The following PLCB4 variants were observed in gnomAD, a reference collection of about 807,000 sequenced individuals.
PLCB4 encodes the protein phospholipase C beta 4.
PLCB4 carries 77 observed loss-of-function variants against 178.8 expected under a neutral mutation model. The observed-to-expected ratio is 0.43, with a 90% CI of 0.36 to 0.52. PLCB4 has a LOEUF of 0.52. Ranked by LOEUF, PLCB4 falls within the 20% of genes least tolerant of loss-of-function variation. PLCB4 has a pLI of 0.00. For missense variants in PLCB4, 1,024 were observed against 1,453.4 expected, an observed-to-expected ratio of 0.70 and a Z score of 4.80; for synonymous variants, 496 against 490.8, an observed-to-expected ratio of 1.01 and a Z score of -0.14.
chr20:9,168,409 A>G lies in PLCB4; in HGVS notation c.-78-48981A>G, dbSNP rs531621002. ...TCTCTGAAGGTGACGCTGTTGATGA[A>G]GCTGCTGTTGAGAAGACCCAAGTAA... On this transcript the variant is annotated intron_variant, in intron 2 of 39. Transcript: ENST00000378473. Among the ~76,000 whole-genome samples the G allele has an allele frequency of 8.5e-5, 13 of 152,280 alleles. No homozygotes were observed. The South Asian group carries it at 2.1e-3, about 24-fold the overall frequency.
intron 7 of PLCB4, among the ~76,000 whole-genome samples, chr20:9,339,880 C>T (rs1442141873): frequency 6.6e-6 from 1 of 152,110 alleles, no homozygotes. Flanking sequence ...AGAGACTTCT[C>T]GAAGAAGTAG....
intron 31 of PLCB4, 51 bp from the exon 32 acceptor site, chr20:9,444,127 A>T (rs1238170707): frequency 8.1e-6 from 12 of 1,482,276 alleles, no homozygotes; most frequent in Non-Finnish European, 1.1e-5. Flanking sequence ...CATTGTGATT[A>T]CAAAAAGAAA....
At position 9,378,637 on chromosome 20, in the gene PLCB4, C is replaced by A. The variant is rs181086864; in HGVS notation, c.745-1417C>A. On this transcript the variant is annotated intron_variant, in intron 12 of 39. Coordinates refer to ENST00000378473, the MANE Select transcript of PLCB4 (RefSeq NM_001377142.1). Reference sequence around the variant, plus strand: ...TTGTTCTTGGTGGCCTCGAGGCCTGCTGTTAACATAACAGTTTCTGTTGTA... The same window carrying A: ...TTGTTCTTGGTGGCCTCGAGGCCTGATGTTAACATAACAGTTTCTGTTGTA... 1.3e-3 allele frequency among the ~76,000 whole-genome samples: 198 copies of A among 152,244 alleles called. 2 individuals are homozygous for A. Among genetic ancestry groups the A allele is most frequent in the Non-Finnish European group, 2.1e-3 (146 of 68,004 alleles).
intron 28 of PLCB4, among the ~76,000 whole-genome samples, chr20:9,426,482 G>A (rs186393998): frequency 1.2e-4 from 18 of 152,142 alleles, no homozygotes; most frequent in African/African-American, 4.1e-4. Flanking sequence ...ATGTTCAGGC[G>A]ATTCTCCTGT....
chr20:9,255,469 A>G (rs1309222169), intron 3 of PLCB4, among the ~76,000 whole-genome samples: 1 of 150,654 alleles, frequency 6.6e-6, no homozygotes, highest in Non-Finnish European at 1.5e-5. Context: ...TCTCTACTAC[A>G]GGTCTTCAGT....
chr20:9,193,899 T>C (rs1354645927), intron 2 of PLCB4, among the ~76,000 whole-genome samples: 1 of 152,306 alleles, frequency 6.6e-6, no homozygotes, highest in Middle Eastern at 3.4e-3. Flanking sequence ...GTTTTCTCAG[T>C]GTTAGACCAT....
chr20:9,126,034 G>A (rs2092104857), intron 2 of PLCB4, among the ~76,000 whole-genome samples: 1 of 152,106 alleles, frequency 6.6e-6, no homozygotes, highest in Admixed American at 6.6e-5. Context: ...GTATGTGTGT[G>A]TGTGTAAAAG....
At chr20:9,338,147 C>A in intron 6 of PLCB4, 80 bp downstream of exon 6, 1 of 930,050 alleles carries the variant, frequency 1.1e-6, no homozygotes, top group Non-Finnish European at 1.8e-6. Context: ...AGATAAAAAA[C>A]TCACTCTTTG....
intron 3 of PLCB4, among the ~76,000 whole-genome samples, chr20:9,254,155 A>T (rs192212780): frequency 1.3e-5 from 2 of 152,330 alleles, no homozygotes; most frequent in East Asian, 3.9e-4. Flanking sequence ...AGACTAATCT[A>T]AAATTTAGGC....
At chr20:9,229,134 G>C (rs1240892350) in intron 3 of PLCB4, among the ~76,000 whole-genome samples, 2 of 152,198 alleles carry the variant, frequency 1.3e-5, no homozygotes, top group Admixed American at 1.3e-4. Flanking sequence ...TACAAAAAGA[G>C]TGGTTCTTAA....
chr20:9,308,246 T>C (rs1376836774), intron 4 of PLCB4, among the ~76,000 whole-genome samples: 1 of 152,248 alleles, frequency 6.6e-6, no homozygotes, highest in African/African-American at 2.4e-5. Context: ...GCAGTCATTC[T>C]ACATTTAACT....
rs372944027 is a variant in PLCB4, at chr20:9,276,286, C to T, written c.-15-31514C>T. On this transcript the variant is annotated intron_variant, in intron 3 of 39. Coordinates refer to ENST00000378473, the MANE Select transcript of PLCB4 (RefSeq NM_001377142.1). ...CCTGGAGTCAATGTAGCTAGAAGGA[C>T]GAAATCACCAAGAGGAAGGGATGTT... 3.3e-5 allele frequency among the ~76,000 whole-genome samples: 5 copies of T among 152,078 alleles called. 1 individual carries two copies. In the South Asian group the frequency reaches 6.2e-4, roughly 19 times the overall value.
intron 2 of PLCB4, among the ~76,000 whole-genome samples, chr20:9,210,498 G>C (rs947035021): frequency 1.3e-5 from 2 of 152,126 alleles, no homozygotes; most frequent in South Asian, 2.1e-4. Context: ...AGTTGGCTGG[G>C]TGGAAGTGCT....
intron 1 of PLCB4, among the ~76,000 whole-genome samples, chr20:9,084,214 T>C (rs2090294322): frequency 2.0e-5 from 3 of 152,182 alleles, no homozygotes; most frequent in Admixed American, 6.5e-5. Context: ...CCTGTTTCTT[T>C]ATCTGTTTCT....
intron 2 of PLCB4, among the ~76,000 whole-genome samples, chr20:9,102,685 A>G (rs1274199367): frequency 6.6e-6 from 1 of 152,126 alleles, no homozygotes; most frequent in Non-Finnish European, 1.5e-5. Flanking sequence ...TTAACAGTTT[A>G]TTTCTGTTGA....
intron 2 of PLCB4, among the ~76,000 whole-genome samples, chr20:9,209,285 T>C (rs2093646873): frequency 6.6e-6 from 1 of 152,120 alleles, no homozygotes; most frequent in Admixed American, 6.5e-5. Context: ...AGTTAGCTTT[T>C]CTTGTGACAT....
At chr20:9,183,301 G>T (rs573903564) in intron 2 of PLCB4, among the ~76,000 whole-genome samples, 1 of 152,046 alleles carries the variant, frequency 6.6e-6, no homozygotes. Context: ...ACTACACAAC[G>T]GCCACATTTC....
chr20:9,159,156 T>A (rs1458331515), intron 2 of PLCB4, among the ~76,000 whole-genome samples: 1 of 152,156 alleles, frequency 6.6e-6, no homozygotes, highest in Admixed American at 6.5e-5. Flanking sequence ...TGTGGGAAGA[T>A]GTATGGGTGA....
rs4053132 is a variant in PLCB4 at position 9,293,622 on chromosome 20, TATTCATTC to T, written c.-15-14154_-15-14147del. ...TTGGGAGCTCCTCCACAGAGTAAAA[TATTCATTC>T]ATTCATTCATTCATTCATTCATTGT... On this transcript the variant is annotated intron_variant, in intron 3 of 39. Transcript: ENST00000378473. Among the ~76,000 whole-genome samples the T allele has an allele frequency of 4.9e-3, 746 of 150,862 alleles. 3 individuals are homozygous for T. The highest frequency in any genetic ancestry group is 7.0e-3 in the Non-Finnish European group (473 of 67,788).
Sources: allele counts gnomAD v4.1 joint callset (sites outside exome capture counted in the v4.1 genomes callset), GRCh38; gene constraint gnomAD v4.1.1; transcripts MANE v1.5; gene names NCBI Gene and HGNC (gene_info 2026-07-23, HGNC 2026-07-21).